The following MDM4 variants were observed in gnomAD, a reference collection of about 807,000 sequenced individuals.
MDM4 encodes the protein MDM4 regulator of p53.
MDM4 carries 2 observed loss-of-function variants against 60.2 expected under a neutral mutation model. The ratio of observed to expected loss-of-function variants is 0.03; its 90% CI spans 0.01 to 0.10. The LOEUF (loss-of-function observed/expected upper bound fraction) is 0.10, where lower values mean the gene tolerates loss of function less well. Ranked by LOEUF, MDM4 falls within the 10% of genes least tolerant of loss-of-function variation. The pLI is 1.00. For missense variants in MDM4, 447 were observed against 577.5 expected, an observed-to-expected ratio of 0.77 and a Z score of 2.32; for synonymous variants, 202 against 198.1, an observed-to-expected ratio of 1.02 and a Z score of -0.17.
chr1:204,553,729 C>T lies in MDM4; in HGVS notation c.*4047C>T, dbSNP rs1283526500. On this transcript the variant is annotated 3_prime_UTR_variant, in exon 11 of 11. Coordinates refer to ENST00000367182, the MANE Select transcript of MDM4 (RefSeq NM_002393.5). The stretch of plus-strand genomic sequence containing the variant: ...TCAGTATTACGGCTAAAAAGTTCTT[C>T]TGTCTGAATATTAACTCACTCTCCT... 1 of 226,042 alleles carries T rather than the reference C, an allele frequency of 4.4e-6. No homozygotes were observed. The highest frequency in any genetic ancestry group is 8.8e-6 in the Non-Finnish European group (1 of 113,634). 14.0% of individuals were successfully genotyped at this position (226,042 alleles called of 1,614,324 possible).
At chr1:204,518,787 A>G (rs928477816) in intron 1 of MDM4, among the ~76,000 whole-genome samples, 1 of 152,148 alleles carries the variant, frequency 6.6e-6, no homozygotes, top group African/African-American at 2.4e-5. Context: ...TGCCGCAGCC[A>G]CGCAAGTAGC....
chr1:204,543,146 C>T (rs1662297026), intron 8 of MDM4, among the ~76,000 whole-genome samples: 1 of 152,142 alleles, frequency 6.6e-6, no homozygotes, highest in African/African-American at 2.4e-5. Context: ...TTTCCAGATG[C>T]CTATTTAACT....
chr1:204,537,947 A>T (rs753287054), intron 6 of MDM4: 8 of 718,460 alleles, frequency 1.1e-5, no homozygotes, highest in African/African-American at 1.7e-5. Flanking sequence ...GAGGGTTTAT[A>T]CAGATAGCCT....
intron 5 of MDM4, among the ~76,000 whole-genome samples, chr1:204,533,782 C>CTTT (rs59912938): frequency 7.2e-6 from 1 of 139,254 alleles, no homozygotes; most frequent in Non-Finnish European, 1.5e-5. Flanking sequence ...TTTTCTTTTT[C>CTTT]TTTTTTTTTT....
chr1:204,547,006 AT>A lies in MDM4; in HGVS notation c.903+130del, dbSNP rs1282159845. On this transcript the variant is annotated intron_variant, in intron 10 of 10. Coordinates refer to ENST00000367182, the MANE Select transcript of MDM4 (RefSeq NM_002393.5). Reference sequence around the variant, plus strand: ...GTCTCCCTTGCCTAGTTGCTAAGTGATGTTGGTTTCTTTACATTTTTTTAAG... The same window carrying A: ...GTCTCCCTTGCCTAGTTGCTAAGTGAGTTGGTTTCTTTACATTTTTTTAAG... 3 of 513,398 alleles carry A rather than the reference AT, an allele frequency of 5.8e-6. No homozygotes were observed. In the African/African-American group the frequency reaches 6.0e-5, roughly 10 times the overall value. 31.8% of individuals were successfully genotyped at this position (513,398 alleles called of 1,614,324 possible).
chr1:204,549,749 T>A lies in MDM4; in HGVS notation c.*67T>A. 1 of 982,938 alleles carries A rather than the reference T, an allele frequency of 1.0e-6. No homozygotes were observed. Among genetic ancestry groups the A allele is most frequent in the Non-Finnish European group, 1.5e-6 (1 of 679,856 alleles). The allele number at this position is 982,938 out of a possible 1,614,324, so 60.9% of individuals were successfully genotyped here. On this transcript the variant is annotated 3_prime_UTR_variant, in exon 11 of 11. Coordinates refer to ENST00000367182, the MANE Select transcript of MDM4 (RefSeq NM_002393.5). ...CCACATTATTTGAAAATCAATCCTT[T>A]ATTTAATTTTATTTCCAACCTGTCA... is the stretch of plus-strand genomic sequence containing the variant.
Position 204,549,847 on chromosome 1 carries a change from G to A in MDM4, c.*165G>A, listed in dbSNP as rs142190549. The A allele has an allele frequency of 6.8e-4, 357 of 526,642 alleles. 2 individuals carry two copies. Among genetic ancestry groups the A allele is most frequent in the African/African-American group, 6.1e-3 (318 of 51,814 alleles). The allele number at this position is 526,642 out of a possible 1,614,324, so 32.6% of individuals were successfully genotyped here. On this transcript the variant is annotated 3_prime_UTR_variant, in exon 11 of 11. Transcript: ENST00000367182. ...CTGGAGCTAACAATGAAGAACAGAA[G>A]TAATCTGATTAGTCAAATTATTAAG...
chr1:204,541,497 G>A (rs1180422971), intron 7 of MDM4, among the ~76,000 whole-genome samples: 1 of 152,048 alleles, frequency 6.6e-6, no homozygotes, highest in Non-Finnish European at 1.5e-5. Context: ...AAAAGTTGGG[G>A]GCAAGGGCAG....
intron 1 of MDM4, among the ~76,000 whole-genome samples, chr1:204,517,497 G>A (rs1266368705): frequency 6.6e-6 from 1 of 151,374 alleles, no homozygotes; most frequent in South Asian, 2.1e-4. Context: ...TCTGCCTCAC[G>A]GGTTCAAGTG....
At chr1:204,526,047 G>C (rs866181982) in intron 2 of MDM4, among the ~76,000 whole-genome samples, 16 of 152,104 alleles carry the variant, frequency 1.1e-4, no homozygotes, top group Non-Finnish European at 1.5e-4. Flanking sequence ...TTGAGCCCAG[G>C]GGTTTGAGAA....
chr1:204,539,811 G>A, intron 7 of MDM4, among the ~76,000 whole-genome samples: 1 of 151,880 alleles, frequency 6.6e-6, no homozygotes, highest in East Asian at 1.9e-4. Flanking sequence ...TGGGATTATA[G>A]GCATGAGCCA....
In MDM4 at chr1:204,549,835, T is replaced by C. The variant is rs1038576219; in HGVS notation, c.*153T>C. On this transcript the variant is annotated 3_prime_UTR_variant, in exon 11 of 11. Coordinates refer to ENST00000367182, the MANE Select transcript of MDM4 (RefSeq NM_002393.5). ...GTAAGAAAAATACTGGAGCTAACAA[T>C]GAAGAACAGAAGTAATCTGATTAGT... The C allele has an allele frequency of 1.8e-6, 1 of 554,504 alleles. No individual in the cohort carries two copies. Among genetic ancestry groups the C allele is most frequent in the African/African-American group, 1.9e-5 (1 of 52,578 alleles). 34.3% of individuals were successfully genotyped at this position (554,504 alleles called of 1,614,324 possible).
chr1:204,532,550 T>C (rs2102362510), intron 5 of MDM4: 1 of 573,784 alleles, frequency 1.7e-6, no homozygotes, highest in East Asian at 2.9e-5. Flanking sequence ...TCAATATCAT[T>C]ATTACACATA....
At chr1:204,533,759 T>A (rs1661098181) in intron 5 of MDM4, among the ~76,000 whole-genome samples, 1 of 150,834 alleles carries the variant, frequency 6.6e-6, no homozygotes, top group South Asian at 2.1e-4. Flanking sequence ...CTTTTTATCT[T>A]TTTCTTTCTT....
At chr1:204,518,173 C>T (rs1334510112) in intron 1 of MDM4, among the ~76,000 whole-genome samples, 1 of 152,134 alleles carries the variant, frequency 6.6e-6, no homozygotes, top group East Asian at 1.9e-4. Context: ...GAGATGAGGT[C>T]TCACTGTGTG....
intron 3 of MDM4, 92 bp downstream of exon 3, chr1:204,526,526 C>T (rs1392097577): frequency 9.1e-6 from 8 of 883,598 alleles, no homozygotes; most frequent in African/African-American, 3.5e-5. Flanking sequence ...TGCAGTGGTG[C>T]GATCTCAGAT....
intron 10 of MDM4, among the ~76,000 whole-genome samples, chr1:204,548,813 A>G (rs1456430322): frequency 3.9e-5 from 6 of 152,226 alleles, no homozygotes; most frequent in South Asian, 2.1e-4. Context: ...AAAGAAGCCC[A>G]TAAGGTACAG....
At chr1:204,543,386 A>G (rs1260723346) in intron 8 of MDM4, among the ~76,000 whole-genome samples, 2 of 152,194 alleles carry the variant, frequency 1.3e-5, no homozygotes, top group South Asian at 4.1e-4. Context: ...CTGTTTTACT[A>G]TAGTAATAAC....
At chr1:204,525,654 A>T (rs969107883) in intron 2 of MDM4, 58 bp downstream of exon 2, 4 of 1,188,500 alleles carry the variant, frequency 3.4e-6, no homozygotes, top group Non-Finnish European at 4.8e-6. Context: ...ATTTTTAAAA[A>T]GTTTAGCTGT....
Sources: gnomAD v4.1 joint callset for allele counts (sites outside exome capture counted in the v4.1 genomes callset) on GRCh38, gnomAD v4.1.1 for gene constraint, MANE v1.5 for transcripts, NCBI Gene and HGNC (gene_info 2026-07-23, HGNC 2026-07-21) for gene names.